The following PDE11A variants were observed in gnomAD, a reference collection of about 807,000 sequenced individuals.
PDE11A encodes the protein phosphodiesterase 11A, also known as dual 3',5'-cyclic-AMP and -GMP phosphodiesterase 11A.
A neutral mutation model predicts 100.5 loss-of-function variants in PDE11A; 100 were observed. The ratio of observed to expected loss-of-function variants is 1.00; its 90% CI spans 0.85 to 1.18. The LOEUF (loss-of-function observed/expected upper bound fraction) is 1.18, where lower values mean the gene tolerates loss of function less well. Among genes scored for constraint, PDE11A ranks in the 50% most tolerant of loss-of-function variants. PDE11A has a pLI of 0.00. For missense variants in PDE11A, 1,141 were observed against 1,152.6 expected (o/e 0.99, Z 0.15); for synonymous variants, 381 against 420.8 (o/e 0.91, Z 1.16).
intron 2 of PDE11A, among the ~76,000 whole-genome samples, chr2:177,989,705 G>A (rs2085980552): frequency 6.6e-6 from 1 of 152,142 alleles, no homozygotes; most frequent in Non-Finnish European, 1.5e-5. Flanking sequence ...GAGGTTAGGA[G>A]CATTTATCTA....
chr2:177,929,130 C>G (rs572761346), intron 2 of PDE11A, among the ~76,000 whole-genome samples: 106 of 152,220 alleles, frequency 7.0e-4, no homozygotes, highest in Admixed American at 1.1e-3. Flanking sequence ...GTGCTCCCAG[C>G]CTGGGTTCTC....
At chr2:178,058,178 AACCC>A (rs2086922887) in intron 1 of PDE11A, among the ~76,000 whole-genome samples, 1 of 152,164 alleles carries the variant, frequency 6.6e-6, no homozygotes, top group Non-Finnish European at 1.5e-5. Flanking sequence ...TTATTAGCTA[AACCC>A]CCTGGTCCTA....
At chr2:177,998,477 C>T in intron 2 of PDE11A, 1 of 1,363,530 alleles carries the variant, frequency 7.3e-7, no homozygotes, top group Non-Finnish European at 1.0e-6. Flanking sequence ...GTATATCTGC[C>T]ACTCGAGGAA....
rs192435389 is a variant in PDE11A at position 177,792,923 on chromosome 2, C to T, written c.1738-23550G>A. On this transcript the variant is annotated intron_variant, in intron 9 of 19. Transcript: ENST00000286063. ...TGCTACAAAGTCAAGTAGCAAAATGCGAAAGAAACCATGGGAGGAGGTGGG... is the reference window on the plus strand; with the variant it reads ...TGCTACAAAGTCAAGTAGCAAAATGTGAAAGAAACCATGGGAGGAGGTGGG... Among the ~76,000 whole-genome samples the T allele has an allele frequency of 8.5e-5, 13 of 152,204 alleles. No homozygotes were observed. The East Asian group carries it at 1.4e-3, about 16-fold the overall frequency.
At chr2:177,960,000 A>C (rs931209828) in intron 2 of PDE11A, among the ~76,000 whole-genome samples, 1 of 152,202 alleles carries the variant, frequency 6.6e-6, no homozygotes, top group South Asian at 2.1e-4. Context: ...CCCAGCTTAC[A>C]CAGCAATGTC....
chr2:178,030,772 G>A (rs971043193), intron 1 of PDE11A, among the ~76,000 whole-genome samples: 2 of 152,130 alleles, frequency 1.3e-5, no homozygotes, highest in Non-Finnish European at 2.9e-5. Flanking sequence ...CAGCTACTTG[G>A]GAGGCTGAGG....
At chr2:177,970,103 A>AG (rs1279469387) in intron 2 of PDE11A, among the ~76,000 whole-genome samples, 1 of 152,196 alleles carries the variant, frequency 6.6e-6, no homozygotes, top group African/African-American at 2.4e-5. Context: ...AAATGGCAAA[A>AG]ATTCCAACGT....
chr2:178,073,954 T>C (rs2087171285), upstream of PDE11A, among the ~76,000 whole-genome samples: 1 of 151,910 alleles, frequency 6.6e-6, no homozygotes, highest in Non-Finnish European at 1.5e-5. Flanking sequence ...CATTTACGGA[T>C]ATGCAGTGGA....
chr2:177,875,959 A>G (rs775227037), intron 4 of PDE11A, 36 bp from the exon 5 acceptor site: 1 of 1,229,058 alleles, frequency 8.1e-7, no homozygotes, highest in Non-Finnish European at 1.2e-6. Flanking sequence ...CAGGTCAATT[A>G]AAGCTTTATT....
chr2:177,860,555 A>G (rs1574225940), intron 5 of PDE11A, among the ~76,000 whole-genome samples: 2 of 151,836 alleles, frequency 1.3e-5, no homozygotes, highest in East Asian at 3.8e-4. Flanking sequence ...GTCAGTCCTT[A>G]ACAAACTCTT....
chr2:177,939,944 A>C (rs914766229), intron 2 of PDE11A, among the ~76,000 whole-genome samples: 1 of 152,262 alleles, frequency 6.6e-6, no homozygotes, highest in Admixed American at 6.5e-5. Context: ...AATTTTATGA[A>C]GCAATTAAAT....
chr2:178,014,435 T>C lies in PDE11A; in HGVS notation c.938A>G (p.Asp313Gly). 1.2e-6 allele frequency: 2 copies of C among 1,613,326 alleles called. No individual in the cohort carries two copies. The highest frequency in any genetic ancestry group is 1.7e-6 in the Non-Finnish European group (2 of 1,179,390). ...TTTTGTCTTGTATCCAGTTAGCTTG[T>C]CGATTTCATCATTGAATCGTCGATC... ...YQDRRFNDEI[D>G]KLTGYKTKSL... The change falls in exon 2 of 20, where the codon GAC becomes GGC. Residue 313 changes from aspartate to glycine, a missense_variant. Transcript: ENST00000286063.
In PDE11A at chr2:177,701,189, G is replaced by C; in HGVS notation, c.2176C>G (p.Leu726Val). The part of the protein sequence containing the change: ...QAKSGSALAQ[L>V]YGTSATLEHH... ...TCCAAGGTAGCAGAGGTTCCATAGA[G>C]TTGGGCCAGGGCAGAGCCACTCCTG... is the stretch of plus-strand genomic sequence containing the variant. The change falls in exon 14 of 20, where the codon CTC becomes GTC. Residue 726 changes from leucine (L) to valine (V), a missense_variant. Leu to Val is a conservative substitution (Grantham distance 32). Transcript: ENST00000286063. The C allele has an allele frequency of 6.3e-7, 1 of 1,599,264 alleles. No homozygotes were observed. Among genetic ancestry groups the C allele is most frequent in the South Asian group, 1.1e-5 (1 of 90,764 alleles).
chr2:177,851,696 C>T (rs1370657), intron 5 of PDE11A, among the ~76,000 whole-genome samples: 148,235 of 152,280 alleles, frequency 0.97, 72,258 homozygotes, highest in Middle Eastern at 1. Flanking sequence ...TCCCAAACTA[C>T]ATCCATACAG....
At chr2:177,809,247 GT>G (rs2082913766) in intron 9 of PDE11A, among the ~76,000 whole-genome samples, 1 of 152,146 alleles carries the variant, frequency 6.6e-6, no homozygotes. Flanking sequence ...CTTAAAAACA[GT>G]TAAAGTCATA....
In PDE11A at chr2:178,072,503, AGCT is replaced by A; in HGVS notation, c.-69_-67del. ...AATGTTTTCCTGCCCCGAGGCCTCTAGCTGTTCCTGCACATGTTCACCCCCACC... is the reference window on the plus strand; with the variant it reads ...AATGTTTTCCTGCCCCGAGGCCTCTAGTTCCTGCACATGTTCACCCCCACC... On this transcript the variant is annotated 5_prime_UTR_variant, in exon 1 of 20. Transcript: ENST00000286063. The A allele has an allele frequency of 6.3e-7, 1 of 1,599,268 alleles. No homozygotes were observed. The highest frequency in any genetic ancestry group is 1.1e-5 in the South Asian group (1 of 89,926).
chr2:177,772,074 A>C (rs1369732141), intron 9 of PDE11A, among the ~76,000 whole-genome samples: 1 of 152,128 alleles, frequency 6.6e-6, no homozygotes, highest in Non-Finnish European at 1.5e-5. Flanking sequence ...GTTATTAACA[A>C]AAAGTTTCTT....
Position 177,905,200 on chromosome 2 carries a change from G to C in PDE11A, c.1072-13C>G, listed in dbSNP as rs1412269859. 10 of 1,452,910 alleles carry C rather than the reference G, an allele frequency of 6.9e-6. No homozygotes were observed. The highest frequency in any genetic ancestry group is 1.7e-5 in the Admixed American group (1 of 59,798). The allele number at this position is 1,452,910 out of a possible 1,614,324, so 90.0% of individuals were successfully genotyped here. ...ACATCTGCATAACCTGGGACAAAGAGAGTAGTAAGAACATTAAAACATAAG... is the reference window on the plus strand; with the variant it reads ...ACATCTGCATAACCTGGGACAAAGACAGTAGTAAGAACATTAAAACATAAG... On this transcript the variant is annotated splice_polypyrimidine_tract_variant and intron_variant, in intron 2 of 19. Coordinates refer to ENST00000286063, the MANE Select transcript of PDE11A (RefSeq NM_016953.4).
At chr2:177,825,775 A>G (rs2083218230) in intron 6 of PDE11A, among the ~76,000 whole-genome samples, 1 of 152,188 alleles carries the variant, frequency 6.6e-6, no homozygotes, top group African/African-American at 2.4e-5. Flanking sequence ...ACCCCAACGA[A>G]GTCACCCAAA....
Sources: allele counts gnomAD v4.1 joint callset (sites outside exome capture counted in the v4.1 genomes callset), GRCh38; gene constraint gnomAD v4.1.1; transcripts MANE v1.5; gene names NCBI Gene and HGNC (gene_info 2026-07-23, HGNC 2026-07-21).